RBM27: variants seen among roughly 807,000 people sequenced by gnomAD.
RBM27 encodes RNA-binding protein 27.
In RBM27, 22 loss-of-function variants were observed where a neutral mutation model predicts 135.3. That is an observed-to-expected ratio of 0.16 (90% CI 0.12 to 0.23). The LOEUF is 0.23. Ranked by LOEUF, RBM27 falls within the 10% of genes least tolerant of loss-of-function variation. RBM27 has a pLI of 1.00. For missense variants in RBM27, 1,009 were observed against 1,281.0 expected (o/e 0.79, Z 3.24); for synonymous variants, 481 against 442.4 (o/e 1.09, Z -1.10).
chr5:146,240,784 A>G (rs1227059651), intron 8 of RBM27, among the ~76,000 whole-genome samples: 1 of 152,160 alleles, frequency 6.6e-6, no homozygotes, highest in Non-Finnish European at 1.5e-5. Context: ...TACTTAAGTA[A>G]TTGTTTTTCC....
At chr5:146,213,841 C>T (rs1020003238) in intron 1 of RBM27, among the ~76,000 whole-genome samples, 1 of 152,170 alleles carries the variant, frequency 6.6e-6, no homozygotes, top group African/African-American at 2.4e-5. Context: ...TATTAGCTTA[C>T]TCCGATAAAA....
At chr5:146,255,655 A>G (rs879632587) in intron 10 of RBM27, among the ~76,000 whole-genome samples, 2 of 152,094 alleles carry the variant, frequency 1.3e-5, no homozygotes, top group Non-Finnish European at 2.9e-5. Flanking sequence ...ATAACCTCCT[A>G]CCTACTCCCC....
At chr5:146,240,408 C>T (rs2126786153) in intron 8 of RBM27, among the ~76,000 whole-genome samples, 1 of 152,112 alleles carries the variant, frequency 6.6e-6, no homozygotes, top group South Asian at 2.1e-4. Flanking sequence ...CTTATTGCAA[C>T]CTCTGCCTCC....
intron 8 of RBM27, among the ~76,000 whole-genome samples, chr5:146,242,076 C>T (rs1402916220): frequency 6.6e-6 from 1 of 151,878 alleles, no homozygotes; most frequent in Non-Finnish European, 1.5e-5. Context: ...GGGTGTGAGC[C>T]ATCACACACG....
In RBM27 at chr5:146,261,704, T is replaced by G; in HGVS notation, c.2088T>G (p.Ser696Arg). The change falls in exon 13 of 21, where the codon AGT becomes AGG. Residue 696 changes from serine to arginine, a missense_variant. By Grantham distance (110) the Ser-to-Arg change is moderately radical. Coordinates refer to ENST00000265271, the MANE Select transcript of RBM27 (RefSeq NM_018989.2). ...TCCTGCAACAACAGCAAACACTTAGTCACCTCTCACAGCAGCACCATCACC... is the reference window on the plus strand; with the variant it reads ...TCCTGCAACAACAGCAAACACTTAGGCACCTCTCACAGCAGCACCATCACC... ...QLLLQQQQTL[S>R]HLSQQHHHLP... 1.2e-6 allele frequency: 2 copies of G among 1,614,162 alleles called. No individual in the cohort carries two copies. Among genetic ancestry groups the G allele is most frequent in the Non-Finnish European group, 1.7e-6 (2 of 1,180,018 alleles).
At chr5:146,222,592 G>C (rs1756504214) in intron 2 of RBM27, among the ~76,000 whole-genome samples, 1 of 152,216 alleles carries the variant, frequency 6.6e-6, no homozygotes, top group Admixed American at 6.5e-5. Context: ...GCCGAGGCAG[G>C]AGAATCACTT....
chr5:146,204,881 T>A (rs1755558228), intron 1 of RBM27, among the ~76,000 whole-genome samples: 2 of 152,134 alleles, frequency 1.3e-5, no homozygotes, highest in African/African-American at 4.8e-5. Context: ...AGGTAACAGA[T>A]GTATCAACAT....
At chr5:146,259,979 C>CAAAAA (rs34781548) in intron 11 of RBM27, among the ~76,000 whole-genome samples, 19 of 35,286 alleles carry the variant, frequency 5.4e-4, no homozygotes, top group African/African-American at 1.9e-3. Flanking sequence ...GACTCCGTCT[C>CAAAAA]AAAAAAAAAA....
intron 19 of RBM27, among the ~76,000 whole-genome samples, chr5:146,283,733 T>C (rs1759464300): frequency 1.3e-5 from 2 of 152,206 alleles, no homozygotes; most frequent in African/African-American, 4.8e-5. Flanking sequence ...TCTGCTCTAA[T>C]GTACATTCTC....
chr5:146,240,434 C>T (rs1243813319), intron 8 of RBM27, among the ~76,000 whole-genome samples: 1 of 152,098 alleles, frequency 6.6e-6, no homozygotes, highest in Non-Finnish European at 1.5e-5. Flanking sequence ...TCAAGTGATT[C>T]TTGTGCCTCA....
chr5:146,220,357 C>T (rs545326144), intron 2 of RBM27, among the ~76,000 whole-genome samples: 1 of 151,886 alleles, frequency 6.6e-6, no homozygotes, highest in African/African-American at 2.4e-5. Context: ...TGCCTGTAGT[C>T]CCAGCTACTC....
At chr5:146,266,457 G>C (rs1421518899) in intron 14 of RBM27, among the ~76,000 whole-genome samples, 1 of 152,194 alleles carries the variant, frequency 6.6e-6, no homozygotes, top group Non-Finnish European at 1.5e-5. Flanking sequence ...GCTGGAACTG[G>C]AGAGGTGAAT....
At chr5:146,247,160 G>A (rs1401432290) in intron 8 of RBM27, among the ~76,000 whole-genome samples, 2 of 152,014 alleles carry the variant, frequency 1.3e-5, no homozygotes, top group African/African-American at 4.8e-5. Flanking sequence ...CATCACACCT[G>A]GCCTTAGTTT....
chr5:146,232,757 C>T lies in RBM27; in HGVS notation c.851-693C>T, dbSNP rs188751332. On this transcript the variant is annotated intron_variant, in intron 6 of 20. Coordinates refer to ENST00000265271, the MANE Select transcript of RBM27 (RefSeq NM_018989.2). ...CTAATTTTTGTATTTTTAGTAGAGACGGGGTTTCACCATGTTGGTCAGGAT... is the reference window on the plus strand; with the variant it reads ...CTAATTTTTGTATTTTTAGTAGAGATGGGGTTTCACCATGTTGGTCAGGAT... Among the ~76,000 whole-genome samples the T allele has an allele frequency of 7.2e-3, 1,091 of 152,150 alleles. 4 individuals carry two copies. Among genetic ancestry groups the T allele is most frequent in the South Asian group, 0.019 (91 of 4,830 alleles).
intron 19 of RBM27, among the ~76,000 whole-genome samples, chr5:146,274,502 A>G (rs182228071): frequency 9.1e-4 from 138 of 152,066 alleles, no homozygotes; most frequent in African/African-American, 3.2e-3. Flanking sequence ...TCCAGTGATA[A>G]CTGCCCGCCG....
chr5:146,258,423 G>A (rs375142646), intron 10 of RBM27, 26 bp from the exon 11 acceptor site: 3 of 1,523,402 alleles, frequency 2.0e-6, no homozygotes, highest in African/African-American at 1.4e-5. Context: ...GAAAAACTCA[G>A]TAATTTCAAT....
At chr5:146,276,298 G>A (rs117627251) in intron 19 of RBM27, among the ~76,000 whole-genome samples, 19 of 152,182 alleles carry the variant, frequency 1.2e-4, no homozygotes, top group Non-Finnish European at 2.1e-4. Context: ...AATTGCATAC[G>A]ACAGATGGTC....
In RBM27 at chr5:146,269,411, A is replaced by G. The variant is rs545889200; in HGVS notation, c.2527-9A>G. Reference sequence around the variant, plus strand: ...AGCATGGTTTTACCTTTTTCTATTTATTTCGTAGATGTTAATATCCAAGTT... The same window carrying G: ...AGCATGGTTTTACCTTTTTCTATTTGTTTCGTAGATGTTAATATCCAAGTT... On this transcript the variant is annotated splice_polypyrimidine_tract_variant and intron_variant, in intron 16 of 20. Transcript: ENST00000265271. The G allele has an allele frequency of 2.6e-6, 4 of 1,540,886 alleles. No homozygotes were observed. In the East Asian group the frequency reaches 9.1e-5, roughly 35 times the overall value.
chr5:146,279,189 C>T (rs868071345), intron 19 of RBM27, among the ~76,000 whole-genome samples: 2 of 151,796 alleles, frequency 1.3e-5, no homozygotes, highest in Non-Finnish European at 1.5e-5. Context: ...GTGGCTCACA[C>T]CTGTAATCCC....
Sources: gnomAD v4.1 joint callset for allele counts (sites outside exome capture counted in the v4.1 genomes callset) on GRCh38, gnomAD v4.1.1 for gene constraint, MANE v1.5 for transcripts, NCBI Gene and HGNC (gene_info 2026-07-23, HGNC 2026-07-21) for gene names.